The following GRIK2 variants were observed in gnomAD, a reference collection of about 807,000 sequenced individuals.
The protein encoded by GRIK2 is glutamate ionotropic receptor kainate type subunit 2, also known as glutamate receptor ionotropic, kainate 2.
A neutral mutation model predicts 100.3 loss-of-function variants in GRIK2; 32 were observed. That is an observed-to-expected ratio of 0.32 (90% CI 0.24 to 0.43). GRIK2 has a LOEUF of 0.43. Ranked by LOEUF, GRIK2 falls within the 20% of genes least tolerant of loss-of-function variation. GRIK2 has a pLI of 1.00. For missense variants in GRIK2, 843 were observed against 1,114.9 expected, an observed-to-expected ratio of 0.76 and a Z score of 3.47; for synonymous variants, 417 against 389.4, an observed-to-expected ratio of 1.07 and a Z score of -0.83.
intron 2 of GRIK2, among the ~76,000 whole-genome samples, chr6:101,617,199 C>T (rs1562263263): frequency 6.6e-6 from 1 of 151,690 alleles, no homozygotes; most frequent in Non-Finnish European, 1.5e-5. Flanking sequence ...AAAGTGCACA[C>T]ATGATACAAG....
At chr6:101,608,005 A>G (rs187466331) in intron 2 of GRIK2, among the ~76,000 whole-genome samples, 1 of 149,888 alleles carries the variant, frequency 6.7e-6, no homozygotes, top group Admixed American at 6.8e-5. Context: ...GGCTGCAAGC[A>G]GAGGACATTT....
At chr6:101,442,171 T>C (rs565887418) in intron 2 of GRIK2, among the ~76,000 whole-genome samples, 1 of 152,264 alleles carries the variant, frequency 6.6e-6, no homozygotes, top group African/African-American at 2.4e-5. Context: ...ACTGTCTCCT[T>C]AGTTCAGCCA....
chr6:101,797,219 A>G (rs1421568457), intron 7 of GRIK2, among the ~76,000 whole-genome samples: 1 of 145,754 alleles, frequency 6.9e-6, no homozygotes, highest in African/African-American at 2.8e-5. Flanking sequence ...TTCCTCATAC[A>G]TTACGTGTTA....
At chr6:101,532,133 A>C (rs183375472) in intron 2 of GRIK2, among the ~76,000 whole-genome samples, 221 of 151,944 alleles carry the variant, frequency 1.5e-3, no homozygotes, top group Non-Finnish European at 2.5e-3. Flanking sequence ...CTATCTATCT[A>C]ATTTCAATGC....
chr6:101,936,357 A>G (rs1406169401), intron 14 of GRIK2, among the ~76,000 whole-genome samples: 2 of 152,082 alleles, frequency 1.3e-5, no homozygotes, highest in Non-Finnish European at 2.9e-5. Flanking sequence ...CACTAATGTT[A>G]ACATTAGATT....
At chr6:101,695,139 A>G (rs1266022264) in intron 7 of GRIK2, among the ~76,000 whole-genome samples, 2 of 152,050 alleles carry the variant, frequency 1.3e-5, no homozygotes, top group African/African-American at 4.8e-5. Flanking sequence ...TTATCTCACA[A>G]TTCTGGTGGC....
chr6:101,542,383 T>C (rs2023169), intron 2 of GRIK2, among the ~76,000 whole-genome samples: 71,865 of 151,822 alleles, frequency 0.47, 17,309 homozygotes, highest in Middle Eastern at 0.52. Flanking sequence ...TGAATAACTA[T>C]CACCAGCAAT....
At chr6:101,629,208 T>C (rs1172649593) in intron 4 of GRIK2, among the ~76,000 whole-genome samples, 2 of 152,134 alleles carry the variant, frequency 1.3e-5, no homozygotes, top group Non-Finnish European at 2.9e-5. Context: ...ACTTTGCCAC[T>C]CCCTTGGCTT....
chr6:101,647,486 A>G (rs555379686), intron 4 of GRIK2, among the ~76,000 whole-genome samples: 1 of 151,988 alleles, frequency 6.6e-6, no homozygotes, highest in African/African-American at 2.4e-5. Context: ...ATAGAAGTGC[A>G]CTTTAAGCCA....
At chr6:101,682,751 CAG>C (rs910439933) in intron 6 of GRIK2, 145 bp downstream of exon 6, 53 of 494,598 alleles carry the variant, frequency 1.1e-4, no homozygotes, top group Admixed American at 6.1e-4. Context: ...AAATTATTAT[CAG>C]AGAGGACAAC....
In GRIK2 at chr6:101,955,530, T is replaced by C. The variant is rs565571759; in HGVS notation, c.2085+26898T>C. 3.4e-5 allele frequency among the ~76,000 whole-genome samples: 5 copies of C among 148,428 alleles called. No homozygotes were observed. The East Asian group carries it at 9.9e-4, about 29-fold the overall frequency. On this transcript the variant is annotated intron_variant, in intron 14 of 16. Coordinates refer to ENST00000369134, the MANE Select transcript of GRIK2 (RefSeq NM_021956.5). ...AAAAAAGCAGACAGGCATGGTGGAA[T>C]GCTCCCACACACCCAGAGTCCCAGC...
At chr6:101,824,516 A>G (rs757672147) in intron 10 of GRIK2, among the ~76,000 whole-genome samples, 1 of 152,172 alleles carries the variant, frequency 6.6e-6, no homozygotes, top group Non-Finnish European at 1.5e-5. Flanking sequence ...CTGTCTGACT[A>G]TGTTGAGTGT....
rs796264305 is a variant in GRIK2 at position 101,630,847 on chromosome 6, C to CT, written c.541+4220dup. On this transcript the variant is annotated intron_variant, in intron 4 of 16. Transcript: ENST00000369134. ...GCTTTTACTGCAAAACACACATGTG[C>CT]TTTTTTTTTTACATATTTCCTTTTT... Among the ~76,000 whole-genome samples the CT allele has an allele frequency of 9.1e-3, 1,336 of 147,548 alleles. 11 individuals carry two copies. Among genetic ancestry groups the CT allele is most frequent in the African/African-American group, 0.014 (565 of 40,264 alleles).
chr6:101,794,201 C>G (rs1029136216), intron 7 of GRIK2, among the ~76,000 whole-genome samples: 7 of 152,100 alleles, frequency 4.6e-5, no homozygotes, highest in African/African-American at 1.7e-4. Flanking sequence ...GGCTCGCGCA[C>G]AGTGCACTGC....
At chr6:101,523,593 A>G (rs1774995209) in intron 2 of GRIK2, among the ~76,000 whole-genome samples, 1 of 152,162 alleles carries the variant, frequency 6.6e-6, no homozygotes, top group African/African-American at 2.4e-5. Flanking sequence ...TTCCAAACTG[A>G]TGAAAGTATA....
At chr6:101,523,066 GGTATGCAACAAAT>G (rs1476585715) in intron 2 of GRIK2, among the ~76,000 whole-genome samples, 2 of 151,772 alleles carry the variant, frequency 1.3e-5, no homozygotes, top group Non-Finnish European at 2.9e-5. Context: ...ATTTTCACAT[GGTATGCAACAAAT>G]AAATTATTAA....
rs185510146 is a variant in GRIK2, at chr6:101,504,571, A to C, written c.115+105179A>C. Among the ~76,000 whole-genome samples, 14 of 151,760 alleles carry C rather than the reference A, an allele frequency of 9.2e-5. No homozygotes were observed. In the East Asian group the frequency reaches 2.5e-3, roughly 27 times the overall value. On this transcript the variant is annotated intron_variant, in intron 2 of 16. Transcript: ENST00000369134. ...TATACTAGGGTGGCTACTATATATA[A>C]AATATGTAATACATTATATATATTA...
chr6:101,634,594 A>G (rs1780916945), intron 4 of GRIK2, among the ~76,000 whole-genome samples: 1 of 152,128 alleles, frequency 6.6e-6, no homozygotes, highest in African/African-American at 2.4e-5. Flanking sequence ...TCAACAAAAA[A>G]CAATGAAATA....
chr6:102,024,735 G>A (rs1029262435), intron 14 of GRIK2, among the ~76,000 whole-genome samples: 1 of 151,140 alleles, frequency 6.6e-6, no homozygotes, highest in East Asian at 1.9e-4. Context: ...AATTATTTAT[G>A]TAGAGCAATA....
Sources: allele counts gnomAD v4.1 joint callset (sites outside exome capture counted in the v4.1 genomes callset), GRCh38; gene constraint gnomAD v4.1.1; transcripts MANE v1.5; gene names NCBI Gene and HGNC (gene_info 2026-07-23, HGNC 2026-07-21).